NELL1: variants seen among roughly 807,000 people sequenced by gnomAD.
The protein encoded by NELL1 is neural EGFL like 1.
In NELL1, 76 loss-of-function variants were observed where a neutral mutation model predicts 107.4. The observed-to-expected ratio is 0.71, with a 90% CI of 0.59 to 0.86. The LOEUF is 0.86. NELL1 is among the 40% of genes least tolerant of loss of function. NELL1 has a pLI of 0.00. For synonymous variants in NELL1, 353 were observed against 341.2 expected (o/e 1.03, Z -0.38); for missense variants, 1,024 against 1,005.5 (o/e 1.02, Z -0.25).
intron 14 of NELL1, among the ~76,000 whole-genome samples, chr11:21,272,014 G>C (rs1848749635): frequency 6.6e-6 from 1 of 152,214 alleles, no homozygotes; most frequent in Non-Finnish European, 1.5e-5. Context: ...TTCCAACTGA[G>C]GTACTGGGTT....
Position 20,730,530 on chromosome 11 carries a change from G to A in NELL1, c.184+52470G>A, listed in dbSNP as rs909622818. 2.6e-5 allele frequency among the ~76,000 whole-genome samples: 4 copies of A among 152,164 alleles called. No individual in the cohort carries two copies. In the East Asian group the frequency reaches 7.7e-4, roughly 29 times the overall value. Reference sequence around the variant, plus strand: ...ATGGCAGAATCGGTACTTGAACCTAGACCTCTTTGATACCACACCTTGGGC... The same window carrying A: ...ATGGCAGAATCGGTACTTGAACCTAAACCTCTTTGATACCACACCTTGGGC... On this transcript the variant is annotated intron_variant, in intron 2 of 19. Transcript: ENST00000357134.
At chr11:20,730,482 A>G (rs1257374057) in intron 2 of NELL1, among the ~76,000 whole-genome samples, 1 of 152,202 alleles carries the variant, frequency 6.6e-6, no homozygotes, top group African/African-American at 2.4e-5. Flanking sequence ...TCACATGAGA[A>G]AGCCAATACC....
At chr11:21,192,852 C>A (rs1030746685) in intron 13 of NELL1, among the ~76,000 whole-genome samples, 1 of 151,956 alleles carries the variant, frequency 6.6e-6, no homozygotes, top group African/African-American at 2.4e-5. Context: ...TTTCAACTCC[C>A]CACTGGGGCA....
At chr11:21,268,141 T>G (rs1404557569) in intron 14 of NELL1, among the ~76,000 whole-genome samples, 2 of 152,164 alleles carry the variant, frequency 1.3e-5, no homozygotes, top group Non-Finnish European at 2.9e-5. Flanking sequence ...CTGAAACTTA[T>G]GTGGGAACCA....
intron 14 of NELL1, among the ~76,000 whole-genome samples, chr11:21,320,878 T>A (rs1309789603): frequency 6.6e-6 from 1 of 152,242 alleles, no homozygotes; most frequent in South Asian, 2.1e-4. Flanking sequence ...TTTCAAGTAA[T>A]ACTTCCTGTG....
At chr11:20,929,542 G>A (rs1352066552) in intron 9 of NELL1, among the ~76,000 whole-genome samples, 4 of 151,854 alleles carry the variant, frequency 2.6e-5, no homozygotes, top group African/African-American at 9.7e-5. Context: ...AAGAACTTTT[G>A]GAAGTCATGT....
intron 14 of NELL1, among the ~76,000 whole-genome samples, chr11:21,343,176 T>G (rs1850612618): frequency 2.0e-5 from 3 of 152,012 alleles, no homozygotes; most frequent in Admixed American, 2.0e-4. Flanking sequence ...TGCCATTCCA[T>G]ACAAATAAAG....
At chr11:20,783,617 T>C (rs1037662494) in intron 2 of NELL1, 63 bp from the exon 3 acceptor site, 3 of 1,220,648 alleles carry the variant, frequency 2.5e-6, no homozygotes, top group Non-Finnish European at 3.4e-6. Flanking sequence ...ATATTTCTTC[T>C]CTACTCCTTC....
chr11:20,693,115 C>T (rs964055147), intron 2 of NELL1, among the ~76,000 whole-genome samples: 14 of 151,264 alleles, frequency 9.3e-5, no homozygotes, highest in Non-Finnish European at 1.5e-4. Context: ...CAACCCCTGC[C>T]TTTTTTTGTT....
chr11:20,924,968 T>A (rs945006754), intron 7 of NELL1, among the ~76,000 whole-genome samples: 2 of 152,172 alleles, frequency 1.3e-5, no homozygotes, highest in Non-Finnish European at 2.9e-5. Flanking sequence ...ATGTACCGAG[T>A]ACTGCATTGA....
At chr11:20,960,840 A>G (rs1169919968) in intron 12 of NELL1, among the ~76,000 whole-genome samples, 1 of 152,190 alleles carries the variant, frequency 6.6e-6, no homozygotes, top group African/African-American at 2.4e-5. Flanking sequence ...GCACATAACA[A>G]TCACTAGATC....
intron 14 of NELL1, among the ~76,000 whole-genome samples, chr11:21,298,909 A>G (rs1158224581): frequency 1.3e-5 from 2 of 151,914 alleles, no homozygotes; most frequent in Non-Finnish European, 2.9e-5. Flanking sequence ...TCTGCTCTCC[A>G]TCTTCTCTCT....
At chr11:21,548,497 ATGAGAGAGAAG>A (rs1194687417) in intron 16 of NELL1, among the ~76,000 whole-genome samples, 1 of 151,834 alleles carries the variant, frequency 6.6e-6, no homozygotes, top group Non-Finnish European at 1.5e-5. Flanking sequence ...GAGAGAGAGA[ATGAGAGAGAAG>A]TGAAAGCGGA....
At chr11:21,096,930 T>C (rs1854657759) in intron 12 of NELL1, among the ~76,000 whole-genome samples, 1 of 152,146 alleles carries the variant, frequency 6.6e-6, no homozygotes, top group African/African-American at 2.4e-5. Context: ...TTGTCCTGGC[T>C]GGTCTTCAAC....
At chr11:21,257,978 G>A (rs550361498) in intron 14 of NELL1, among the ~76,000 whole-genome samples, 6 of 152,136 alleles carry the variant, frequency 3.9e-5, no homozygotes, top group African/African-American at 1.4e-4. Context: ...ACGTGGGGAA[G>A]AGGGAGACAC....
At chr11:21,561,772 C>T (rs1008280685) in intron 17 of NELL1, among the ~76,000 whole-genome samples, 1 of 151,958 alleles carries the variant, frequency 6.6e-6, no homozygotes, top group South Asian at 2.1e-4. Context: ...CCATGTACTT[C>T]CTTGTATGTA....
chr11:20,904,775 C>T (rs2134137409), intron 5 of NELL1, among the ~76,000 whole-genome samples: 1 of 151,962 alleles, frequency 6.6e-6, no homozygotes, highest in Non-Finnish European at 1.5e-5. Context: ...TTTTTGGTTG[C>T]TGACATTCAA....
intron 12 of NELL1, among the ~76,000 whole-genome samples, chr11:20,988,807 T>G (rs529223206): frequency 1.3e-5 from 2 of 152,092 alleles, no homozygotes; most frequent in South Asian, 2.1e-4. Flanking sequence ...CAGGATGGTC[T>G]CGATCTCCTG....
At chr11:21,365,583 G>A (rs1851201841) in intron 14 of NELL1, among the ~76,000 whole-genome samples, 1 of 152,114 alleles carries the variant, frequency 6.6e-6, no homozygotes, top group African/African-American at 2.4e-5. Context: ...AAGGACAGTG[G>A]AAATGGCTAC....
Sources: gnomAD v4.1 joint callset for allele counts (sites outside exome capture counted in the v4.1 genomes callset) on GRCh38, gnomAD v4.1.1 for gene constraint, MANE v1.5 for transcripts, NCBI Gene and HGNC (gene_info 2026-07-23, HGNC 2026-07-21) for gene names.